The following DEK variants were observed in gnomAD, a reference collection of about 807,000 sequenced individuals.
DEK encodes protein DEK.
A neutral mutation model predicts 46.8 loss-of-function variants in DEK; 28 were observed. The ratio of observed to expected loss-of-function variants is 0.60; its 90% CI spans 0.44 to 0.82. The LOEUF is 0.82. Ranked by LOEUF, DEK falls within the 40% of genes least tolerant of loss-of-function variation. The pLI, the probability that DEK is intolerant of heterozygous loss-of-function variation, is 0.00. For missense variants in DEK, 416 were observed against 430.6 expected (o/e 0.97, Z 0.30); for synonymous variants, 160 against 144.5 (o/e 1.11, Z -0.77).
chr6:18,233,985 C>A (rs531563887), intron 9 of DEK, among the ~76,000 whole-genome samples: 33 of 152,220 alleles, frequency 2.2e-4, no homozygotes, highest in African/African-American at 7.7e-4. Context: ...GGCACATATA[C>A]ACCATGGAAT....
chr6:18,256,650 A>G (rs1791610556), intron 4 of DEK, among the ~76,000 whole-genome samples, 195 bp from the exon 5 acceptor site: 1 of 152,194 alleles, frequency 6.6e-6, no homozygotes, highest in African/African-American at 2.4e-5. Flanking sequence ...TGTATTTGTC[A>G]TTAACATATT....
chr6:18,227,047 G>C (rs1344868827), intron 9 of DEK, among the ~76,000 whole-genome samples: 1 of 152,168 alleles, frequency 6.6e-6, no homozygotes, highest in African/African-American at 2.4e-5. Context: ...AGGCTGCAGG[G>C]ACCTCTGCCT....
rs1174525103 is a variant in DEK, at chr6:18,249,588, A to G, written c.762+63T>C. ...GAAGTGTTTTCTGGCTGTACCTTAT[A>G]GCAGAAATATTTAACTCTCCCCATG... On this transcript the variant is annotated intron_variant, in intron 7 of 10. Coordinates refer to ENST00000652689, the MANE Select transcript of DEK (RefSeq NM_003472.4). 15 of 1,447,704 alleles carry G rather than the reference A, an allele frequency of 1.0e-5. No homozygotes were observed. The East Asian group carries it at 3.9e-4, about 37-fold the overall frequency. The allele number at this position is 1,447,704 out of a possible 1,614,324, so 89.7% of individuals were successfully genotyped here. A position where few individuals can be genotyped will look rare whatever the true frequency, so the allele number is the denominator to read the frequency against.
At chr6:18,236,168 T>C (rs1394309751) in intron 9 of DEK, among the ~76,000 whole-genome samples, 1 of 152,200 alleles carries the variant, frequency 6.6e-6, no homozygotes, top group Non-Finnish European at 1.5e-5. Context: ...AGAAACAACC[T>C]ACAGATCAGA....
chr6:18,226,177 T>C lies in DEK; in HGVS notation c.1113A>G (p.Lys371=). 7.6e-7 allele frequency: 1 copy of C among 1,323,152 alleles called. No homozygotes were observed. The highest frequency in any genetic ancestry group is 1.0e-6 in the Non-Finnish European group (1 of 992,436). 82.0% of individuals were successfully genotyped at this position (1,323,152 alleles called of 1,614,324 possible). Residue 371 remains lysine (K), a synonymous_variant, in exon 10 of 11, where the codon AAA becomes AAG. Coordinates refer to ENST00000652689, the MANE Select transcript of DEK (RefSeq NM_003472.4). ...CTTGAAAGACTGAAATATTTACCTC[T>C]TTTACAGTTGTTTTTATGAAATCTT... The part of the protein sequence containing the change: ...ERKDFIKTTV[K]ELIS
intron 6 of DEK, among the ~76,000 whole-genome samples, chr6:18,254,748 G>GCTA (rs1282342777): frequency 6.6e-6 from 1 of 152,096 alleles, no homozygotes; most frequent in African/African-American, 2.4e-5. Flanking sequence ...TCCTTAAAAA[G>GCTA]TACAAGTATA....
intron 7 of DEK, among the ~76,000 whole-genome samples, chr6:18,248,322 T>G (rs1204472321): frequency 1.3e-5 from 2 of 152,202 alleles, no homozygotes; most frequent in African/African-American, 4.8e-5. Flanking sequence ...TATGATAATG[T>G]TTCGTGCTTT....
intron 9 of DEK, among the ~76,000 whole-genome samples, chr6:18,229,686 T>A (rs1043775197): frequency 3.3e-5 from 5 of 150,662 alleles, no homozygotes; most frequent in Admixed American, 6.6e-5. Flanking sequence ...GAAAAAAGAG[T>A]AAAAAGAAAC....
chr6:18,232,053 G>C (rs1790436439), intron 9 of DEK, among the ~76,000 whole-genome samples: 1 of 152,112 alleles, frequency 6.6e-6, no homozygotes, highest in South Asian at 2.1e-4. Context: ...TGCAAGGCTG[G>C]TTCAACACAC....
chr6:18,229,903 A>G (rs1308274966), intron 9 of DEK, among the ~76,000 whole-genome samples: 1 of 152,130 alleles, frequency 6.6e-6, no homozygotes, highest in Non-Finnish European at 1.5e-5. Context: ...CCTCGAGAAG[A>G]GCAACTCCAA....
Position 18,249,818 on chromosome 6 carries a change from T to A in DEK, c.595A>T (p.Thr199Ser). 2 of 1,596,060 alleles carry A rather than the reference T, an allele frequency of 1.3e-6. No individual in the cohort carries two copies. The highest frequency in any genetic ancestry group is 1.7e-6 in the Non-Finnish European group (2 of 1,175,266). The stretch of plus-strand genomic sequence containing the variant: ...TCCTTTTTACTGCCTTTGCTACAAG[T>A]TTTTTTAGATTTCGGCAATGGCTGC... ...SGKPLPKSKK[T>S]CSKGSKKERN... Residue 199 changes from threonine (T) to serine (S), a missense_variant, in exon 7 of 11, where the codon ACT (threonine) becomes TCT (serine). Transcript: ENST00000652689.
chr6:18,235,912 T>TC (rs1208115170), intron 9 of DEK, among the ~76,000 whole-genome samples: 2 of 152,206 alleles, frequency 1.3e-5, no homozygotes, highest in Non-Finnish European at 2.9e-5. Context: ...TTTGGTACAT[T>TC]CCAAATTGTA....
intron 7 of DEK, among the ~76,000 whole-genome samples, chr6:18,244,332 G>T (rs375123671): frequency 4.5e-4 from 68 of 152,298 alleles, no homozygotes; most frequent in African/African-American, 1.6e-3. Flanking sequence ...TGCCATTAAT[G>T]TCAGATAGTA....
Position 18,255,813 on chromosome 6 carries a change from A to T in DEK, c.491T>A (p.Leu164His). 6.2e-7 allele frequency: 1 copy of T among 1,611,290 alleles called. No homozygotes were observed. The part of the protein sequence containing the change: ...NAMLKSICEV[L>H]DLERSGVNSE... ...ATTTACACCTGATCTCTCCAAATCA[A>T]GAACCTCACAGATGCTCTTTAACAT... Residue 164 changes from leucine to histidine, a missense_variant, in exon 6 of 11, where the codon CTT (leucine) becomes CAT (histidine). Transcript: ENST00000652689.
chr6:18,244,126 A>G (rs1791007968), intron 7 of DEK, among the ~76,000 whole-genome samples: 1 of 152,216 alleles, frequency 6.6e-6, no homozygotes, highest in South Asian at 2.1e-4. Context: ...AAGTGGAGAC[A>G]AGACTGAGTC....
At chr6:18,234,002 C>T (rs1294751433) in intron 9 of DEK, among the ~76,000 whole-genome samples, 2 of 152,106 alleles carry the variant, frequency 1.3e-5, no homozygotes, top group African/African-American at 4.8e-5. Flanking sequence ...GAATACTATG[C>T]AGCCATAAAA....
chr6:18,240,362 A>T (rs1388445504), intron 7 of DEK, among the ~76,000 whole-genome samples: 1 of 152,356 alleles, frequency 6.6e-6, no homozygotes, highest in East Asian at 1.9e-4. Flanking sequence ...CACAAGCACT[A>T]AAGAAAAATA....
intron 7 of DEK, among the ~76,000 whole-genome samples, chr6:18,239,715 A>G (rs1381845233): frequency 6.6e-6 from 1 of 152,064 alleles, no homozygotes; most frequent in East Asian, 1.9e-4. Flanking sequence ...ATCCTAAGAG[A>G]TGTTCTAGAT....
At chr6:18,245,822 T>A (rs998743988) in intron 7 of DEK, among the ~76,000 whole-genome samples, 1 of 152,258 alleles carries the variant, frequency 6.6e-6, no homozygotes, top group Non-Finnish European at 1.5e-5. Context: ...TGAATTGTAA[T>A]AATCCCCACG....
Sources: gnomAD v4.1 joint callset for allele counts (sites outside exome capture counted in the v4.1 genomes callset) on GRCh38, gnomAD v4.1.1 for gene constraint, MANE v1.5 for transcripts, NCBI Gene and HGNC (gene_info 2026-07-23, HGNC 2026-07-21) for gene names.